The following SLC4A7 variants were observed in gnomAD, a reference collection of about 807,000 sequenced individuals.
SLC4A7 encodes sodium bicarbonate cotransporter 3.
SLC4A7 carries 51 observed loss-of-function variants against 137.6 expected under a neutral mutation model. The ratio of observed to expected loss-of-function variants is 0.37; its 90% CI spans 0.30 to 0.47. The LOEUF is 0.47. Among genes scored for constraint, SLC4A7 ranks in the 20% least tolerant of loss-of-function variants. The pLI, the probability that SLC4A7 is intolerant of heterozygous loss-of-function variation, is 1.00. For synonymous variants in SLC4A7, 542 were observed against 518.6 expected (o/e 1.05, Z -0.61); for missense variants, 1,247 against 1,525.4 (o/e 0.82, Z 3.04).
intron 1 of SLC4A7, among the ~76,000 whole-genome samples, chr3:27,453,802 C>G (rs1384677225): frequency 1.3e-5 from 2 of 152,146 alleles, no homozygotes; most frequent in Non-Finnish European, 2.9e-5. Flanking sequence ...TAAGAAAATG[C>G]AGATCTTTTG....
chr3:27,459,266 C>CA (rs1187121731), intron 1 of SLC4A7, among the ~76,000 whole-genome samples: 1 of 152,062 alleles, frequency 6.6e-6, no homozygotes, highest in East Asian at 1.9e-4. Context: ...TATTATACAC[C>CA]AAAATACGAA....
chr3:27,385,148 T>C (rs1417517370), intron 23 of SLC4A7, among the ~76,000 whole-genome samples: 1 of 152,202 alleles, frequency 6.6e-6, no homozygotes, highest in African/African-American at 2.4e-5. Flanking sequence ...TTTAAAAATA[T>C]GTGTCTTTCT....
In SLC4A7 at chr3:27,375,802, T is replaced by C. The variant is rs1204113200; in HGVS notation, c.*962A>G. The C allele has an allele frequency of 6.6e-6, 1 of 152,164 alleles. No homozygotes were observed. Among genetic ancestry groups the C allele is most frequent in the Non-Finnish European group, 1.5e-5 (1 of 67,902 alleles). The allele number at this position is 152,164 out of a possible 1,614,324, so 9.4% of individuals were successfully genotyped here. ...AACATAAAGAGAAAATGAAAGGTAATTCTTAATAAAGTAATACTGATCATA... is the reference window on the plus strand; with the variant it reads ...AACATAAAGAGAAAATGAAAGGTAACTCTTAATAAAGTAATACTGATCATA... On this transcript the variant is annotated 3_prime_UTR_variant, in exon 26 of 26. Coordinates refer to ENST00000454389, the MANE Select transcript of SLC4A7 (RefSeq NM_001321103.2).
chr3:27,483,777 G>A (rs760006668), intron 1 of SLC4A7, among the ~76,000 whole-genome samples: 117 of 151,948 alleles, frequency 7.7e-4, no homozygotes, highest in Non-Finnish European at 1.4e-3. Flanking sequence ...GTCACAGGCG[G>A]CCTCTGCGGG....
intron 22 of SLC4A7, among the ~76,000 whole-genome samples, chr3:27,386,694 T>A (rs564823424): frequency 6.6e-6 from 1 of 152,306 alleles, no homozygotes; most frequent in Non-Finnish European, 1.5e-5. Context: ...TTTTTATACT[T>A]TTTGAACATA....
intron 25 of SLC4A7, among the ~76,000 whole-genome samples, chr3:27,377,612 C>T (rs888302344): frequency 3.9e-5 from 6 of 152,098 alleles, no homozygotes; most frequent in Admixed American, 1.3e-4. Flanking sequence ...AGGCTGGTCT[C>T]GAACTCCTGA....
chr3:27,439,091 A>C (rs1274669302), intron 3 of SLC4A7, among the ~76,000 whole-genome samples: 1 of 152,230 alleles, frequency 6.6e-6, no homozygotes, highest in Non-Finnish European at 1.5e-5. Context: ...TCTCACTCAA[A>C]ATTTACACCT....
In SLC4A7 at chr3:27,431,531, G is replaced by A; in HGVS notation, c.917C>T (p.Ser306Leu). 3.7e-6 allele frequency: 6 copies of A among 1,614,160 alleles called. No homozygotes were observed. In the Middle Eastern group the frequency reaches 8.2e-4, roughly 222 times the overall value. ...GGTGGGTACTGGGGTTGTACACCTT[G>A]AGCCTGCAGGGGTTCCAGCTCTTGA... is the stretch of plus-strand genomic sequence containing the variant. Reference protein sequence around the residue: ...PSSRAGTPAGSRCTTPVPTPQ... With the variant: ...PSSRAGTPAGLRCTTPVPTPQ... The change falls in exon 7 of 26, where the codon TCA becomes TTA. Residue 306 changes from serine (S) to leucine (L), a missense_variant. Ser to Leu is a moderately radical substitution (Grantham distance 145). This residue lies in a region of SLC4A7 where 223 missense variants were observed against 203.6 expected (regional missense o/e 1.10). Transcript: ENST00000454389.
At chr3:27,459,988 TATACAC>T (rs1389885033) in intron 1 of SLC4A7, among the ~76,000 whole-genome samples, 271 of 102,836 alleles carry the variant, frequency 2.6e-3, no homozygotes, top group African/African-American at 6.2e-3. Flanking sequence ...TATATATATA[TATACAC>T]ACACACACAC....
intron 3 of SLC4A7, 90 bp downstream of exon 3, chr3:27,448,561 C>A (rs771526602): frequency 2.2e-5 from 25 of 1,142,644 alleles, no homozygotes; most frequent in Non-Finnish European, 3.1e-5. Context: ...TGCATACATA[C>A]AATTTTTAAA....
intron 1 of SLC4A7, among the ~76,000 whole-genome samples, chr3:27,474,604 G>A (rs1320029134): frequency 6.6e-6 from 1 of 151,728 alleles, no homozygotes; most frequent in East Asian, 1.9e-4. Context: ...CCATCTACTC[G>A]GGAGGCTGAG....
At chr3:27,414,985 G>C (rs2054246287) in intron 11 of SLC4A7, among the ~76,000 whole-genome samples, 1 of 152,084 alleles carries the variant, frequency 6.6e-6, no homozygotes, top group East Asian at 1.9e-4. Context: ...TAATAATGAT[G>C]GTGCCTTCAA....
Position 27,383,216 on chromosome 3 carries a change from G to A in SLC4A7, c.3527C>T (p.Thr1176Ile). The A allele has an allele frequency of 6.2e-7, 1 of 1,613,102 alleles. No homozygotes were observed. Among genetic ancestry groups the A allele is most frequent in the Non-Finnish European group, 8.5e-7 (1 of 1,179,168 alleles). ...TCCCCCTTCAAATGGAAGGTGCACA[G>A]TATCATCATCATCTTGAAGCATCCG... is the stretch of plus-strand genomic sequence containing the variant. ...AERMLQDDDDTVHLPFEGGSL... is the reference protein window; with the variant it reads ...AERMLQDDDDIVHLPFEGGSL... The change falls in exon 24 of 26, where the codon ACT (threonine) becomes ATT (isoleucine). Residue 1176 changes from threonine to isoleucine, a missense_variant. Physicochemically the swap from Thr to Ile is moderately conservative, Grantham distance 89. Transcript: ENST00000454389.
At chr3:27,479,793 G>A (rs116653598) in intron 1 of SLC4A7, among the ~76,000 whole-genome samples, 67 of 152,250 alleles carry the variant, frequency 4.4e-4, no homozygotes, top group African/African-American at 1.5e-3. Flanking sequence ...GTAATCATCA[G>A]CAAGAAACTA....
At chr3:27,464,960 T>C (rs1465347348) in intron 1 of SLC4A7, among the ~76,000 whole-genome samples, 2 of 152,116 alleles carry the variant, frequency 1.3e-5, no homozygotes, top group Non-Finnish European at 2.9e-5. Flanking sequence ...TTTCGCCCAA[T>C]AAATTCGTAA....
At chr3:27,465,554 T>C (rs1007255014) in intron 1 of SLC4A7, among the ~76,000 whole-genome samples, 1 of 151,982 alleles carries the variant, frequency 6.6e-6, no homozygotes, top group African/African-American at 2.4e-5. Flanking sequence ...AACTGATTTT[T>C]TGAAATCTTA....
At chr3:27,478,292 C>T (rs935953947) in intron 1 of SLC4A7, among the ~76,000 whole-genome samples, 13 of 151,302 alleles carry the variant, frequency 8.6e-5, no homozygotes, top group African/African-American at 1.7e-4. Flanking sequence ...CTGAGGTGGG[C>T]GGATGACCTG....
At chr3:27,418,247 T>A (rs1400647330) in intron 11 of SLC4A7, among the ~76,000 whole-genome samples, 1 of 152,180 alleles carries the variant, frequency 6.6e-6, no homozygotes. Context: ...ATACACTAAC[T>A]TTTGGTGACA....
chr3:27,392,993 C>T lies in SLC4A7; in HGVS notation c.3118-1185G>A, dbSNP rs1475523972. ...AAAAGGAGAAAATTTTCTTTAATAG[C>T]AAGGGGGAGGAGGGATAAGAATATT... On this transcript the variant is annotated intron_variant, in intron 20 of 25. Transcript: ENST00000454389. Among the ~76,000 whole-genome samples, 10 of 151,800 alleles carry T rather than the reference C, an allele frequency of 6.6e-5. 1 individual carries two copies. The highest frequency in any genetic ancestry group is 1.5e-4 in the Non-Finnish European group (10 of 67,912).
Sources: allele counts gnomAD v4.1 joint callset (sites outside exome capture counted in the v4.1 genomes callset), GRCh38; gene constraint gnomAD v4.1.1; regional missense constraint gnomAD v4.1.1; transcripts MANE v1.5; gene names NCBI Gene and HGNC (gene_info 2026-07-23, HGNC 2026-07-21).